Variants in TMEM164 observed in about 807,000 individuals in gnomAD.
TMEM164 encodes RP13-360B22.2.
In TMEM164, 4 loss-of-function variants were observed where a neutral mutation model predicts 18.8. The ratio of observed to expected loss-of-function variants is 0.21; its 90% CI spans 0.10 to 0.49. The LOEUF is 0.49. TMEM164 is among the 20% of genes least tolerant of loss of function. TMEM164 has a pLI of 0.98. For missense variants in TMEM164, 108 were observed against 239.9 expected, an observed-to-expected ratio of 0.45 and a Z score of 3.63; for synonymous variants, 86 against 101.7, an observed-to-expected ratio of 0.85 and a Z score of 0.93.
chrX:110,101,905 T>C (rs1407063247), intron 3 of TMEM164, among the ~76,000 whole-genome samples: 1 of 110,219 alleles, frequency 9.1e-6, no homozygotes. Context: ...TTCTTTTCCA[T>C]TTCATTGATC....
At chrX:110,017,848 C>A (rs56074095) in intron 2 of TMEM164, among the ~76,000 whole-genome samples, 1 of 109,033 alleles carries the variant, frequency 9.2e-6, no homozygotes, top group African/African-American at 3.4e-5. Flanking sequence ...GGATTACAGG[C>A]GTGAGCCACT....
At chrX:110,074,833 C>CTTGT (rs2065648086) in intron 3 of TMEM164, among the ~76,000 whole-genome samples, 1 of 111,583 alleles carries the variant, frequency 9.0e-6, no homozygotes, top group African/African-American at 3.3e-5. Flanking sequence ...GTTTTTGTAC[C>CTTGT]ACTACCATGC....
Position 110,145,788 on chromosome X carries a change from G to A in TMEM164, c.586+912G>A, listed in dbSNP as rs183202473. ...GGCACTGCTGCTTCTTGGCTTATGC[G>A]TGGATGCTCTAAATCAGGCATTCCG... On this transcript the variant is annotated intron_variant, in intron 5 of 6. Transcript: ENST00000372068. 1.1e-3 allele frequency among the ~76,000 whole-genome samples: 118 copies of A among 111,873 alleles called. 1 individual carries two copies. The Middle Eastern group carries it at 0.014, about 13-fold the overall frequency.
At chrX:110,096,499 A>G (rs2066021048) in intron 3 of TMEM164, among the ~76,000 whole-genome samples, 2 of 112,893 alleles carry the variant, frequency 1.8e-5, no homozygotes, top group African/African-American at 6.4e-5. Context: ...GGTGCGAGAT[A>G]TAATCTCCTG....
At chrX:110,056,325 G>A (rs759981176) in intron 2 of TMEM164, among the ~76,000 whole-genome samples, 23 of 111,483 alleles carry the variant, frequency 2.1e-4, no homozygotes, top group African/African-American at 4.6e-4. Context: ...GTATGTTTTC[G>A]AGATTCATCT....
intron 3 of TMEM164, among the ~76,000 whole-genome samples, chrX:110,081,622 C>T (rs982379724): frequency 2.1e-4 from 24 of 112,517 alleles, no homozygotes; most frequent in African/African-American, 7.8e-4. Context: ...ATATTTTCTA[C>T]TATCCCATTG....
chrX:110,045,666 A>G (rs1935288027), intron 2 of TMEM164, among the ~76,000 whole-genome samples: 1 of 111,885 alleles, frequency 8.9e-6, no homozygotes, highest in African/African-American at 3.3e-5. Flanking sequence ...GGCCTTTTGT[A>G]TTCCTCTCTT....
intron 2 of TMEM164, among the ~76,000 whole-genome samples, chrX:110,041,876 C>T (rs1212943850): frequency 9.0e-6 from 1 of 111,425 alleles, no homozygotes; most frequent in Non-Finnish European, 1.9e-5. Flanking sequence ...ATTTCCACCA[C>T]CCCCAAAGAT....
intron 4 of TMEM164, among the ~76,000 whole-genome samples, chrX:110,125,140 A>T (rs927345634): frequency 8.9e-6 from 1 of 112,156 alleles, no homozygotes; most frequent in Non-Finnish European, 1.9e-5. Flanking sequence ...TGAATCTTTA[A>T]TAAGGTAATG....
intron 3 of TMEM164, among the ~76,000 whole-genome samples, chrX:110,099,103 G>C (rs936710361): frequency 2.7e-5 from 3 of 109,615 alleles, no homozygotes; most frequent in Non-Finnish European, 5.7e-5. Flanking sequence ...TGGCTGAGTT[G>C]TGTGTTTTCT....
intron 4 of TMEM164, among the ~76,000 whole-genome samples, chrX:110,138,009 AC>A (rs1348912239): frequency 2.7e-5 from 3 of 112,002 alleles, no homozygotes; most frequent in Non-Finnish European, 5.6e-5. Context: ...TGATAAACAT[AC>A]TAATGTGTGA....
At chrX:110,126,810 CTGTGTGTGTGTGTGTGTGTGTGTGTG>C (rs4035483) in intron 4 of TMEM164, among the ~76,000 whole-genome samples, 3 of 69,582 alleles carry the variant, frequency 4.3e-5, no homozygotes, top group African/African-American at 1.2e-4. Context: ...TGGGCCACTC[CTGTGTGTGTGTGTGTGTGTGTGTGTG>C]TGTGTGTGTG....
chrX:110,177,959 C>A (rs777996317), downstream of TMEM164, among the ~76,000 whole-genome samples: 2 of 112,211 alleles, frequency 1.8e-5, no homozygotes, highest in Non-Finnish European at 3.8e-5. Context: ...CCCTTGAATT[C>A]CCACACATTG....
At chrX:110,093,577 T>C (rs1043082777) in intron 3 of TMEM164, among the ~76,000 whole-genome samples, 11 of 112,032 alleles carry the variant, frequency 9.8e-5, no homozygotes, top group African/African-American at 3.6e-4. Context: ...TCTTCTCTCT[T>C]TTCTTCTTTA....
chrX:110,120,033 C>T (rs1386154414), intron 4 of TMEM164, among the ~76,000 whole-genome samples: 1 of 112,351 alleles, frequency 8.9e-6, no homozygotes, highest in Non-Finnish European at 1.9e-5. Context: ...GATTAGGGAA[C>T]TGGCCAATCT....
At chrX:110,103,864 A>G (rs2147956629) in intron 3 of TMEM164, among the ~76,000 whole-genome samples, 1 of 111,058 alleles carries the variant, frequency 9.0e-6, no homozygotes, top group African/African-American at 3.3e-5. Context: ...GATGGAAAAC[A>G]TGAGGGAAGG....
intron 4 of TMEM164, among the ~76,000 whole-genome samples, chrX:110,137,050 C>T (rs1292466329): frequency 1.8e-5 from 2 of 111,933 alleles, no homozygotes; most frequent in Non-Finnish European, 3.8e-5. Context: ...AAATTTCATC[C>T]TTTTAAATTT....
intron 5 of TMEM164, among the ~76,000 whole-genome samples, chrX:110,152,833 C>G (rs778331966): frequency 8.1e-5 from 9 of 111,636 alleles, no homozygotes; most frequent in Admixed American, 2.9e-4. Flanking sequence ...CTTTGCTCCC[C>G]CTAAGCCCAT....
At chrX:110,161,477 C>T (rs1039353623) in intron 5 of TMEM164, among the ~76,000 whole-genome samples, 1 of 111,806 alleles carries the variant, frequency 8.9e-6, no homozygotes, top group Non-Finnish European at 1.9e-5. Flanking sequence ...GACTGATTGG[C>T]GAAGGGCTGA....
Sources: allele counts gnomAD v4.1 joint callset (sites outside exome capture counted in the v4.1 genomes callset), GRCh38; gene constraint gnomAD v4.1.1; transcripts MANE v1.5; gene names NCBI Gene and HGNC (gene_info 2026-07-23, HGNC 2026-07-21).